Variants in PCDHA4 observed in about 807,000 individuals in gnomAD.
The protein encoded by PCDHA4 is protocadherin alpha-4.
Under a neutral mutation model 61.4 loss-of-function variants are expected in PCDHA4, and 49 were observed. The ratio of observed to expected loss-of-function variants is 0.80; its 90% CI spans 0.63 to 1.01. PCDHA4 has a LOEUF of 1.01. Ranked by LOEUF, PCDHA4 falls within the 50% of genes least tolerant of loss-of-function variation. The probability of loss-of-function intolerance (pLI) is 0.00; values close to 1 mark genes in which losing one functional copy is unlikely to be tolerated. For missense variants in PCDHA4, 1,254 were observed against 1,235.8 expected (o/e 1.01, Z -0.22); for synonymous variants, 590 against 550.3 (o/e 1.07, Z -1.01).
intron 1 of PCDHA4, chr5:140,929,180 G>C (rs782260576): frequency 2.7e-5 from 44 of 1,614,150 alleles, no homozygotes; most frequent in Non-Finnish European, 3.7e-5. Flanking sequence ...CTGGGACTTG[G>C]TTCTGATAAT....
chr5:140,917,324 C>CGGGGGGGGGGGG (rs1299895515), intron 1 of PCDHA4, among the ~76,000 whole-genome samples: 1 of 76,120 alleles, frequency 1.3e-5, no homozygotes, highest in African/African-American at 4.3e-5. Context: ...GTTCATGTGG[C>CGGGGGGGGGGGG]GGGGGAGGGG....
chr5:140,868,940 A>C, intron 1 of PCDHA4: 1 of 1,249,404 alleles, frequency 8.0e-7, no homozygotes, highest in South Asian at 1.6e-5. Context: ...GGTTGGTCTG[A>C]ACAGTGAGGC....
intron 1 of PCDHA4, chr5:140,853,312 G>A (rs931070085): frequency 1.0e-6 from 1 of 983,988 alleles, no homozygotes; most frequent in Non-Finnish European, 1.2e-6. Context: ...GAACACCTTA[G>A]TAATAAATTT....
intron 1 of PCDHA4, among the ~76,000 whole-genome samples, chr5:140,881,137 A>G (rs1554171789): frequency 6.6e-6 from 1 of 152,246 alleles, no homozygotes; most frequent in Non-Finnish European, 1.5e-5. Context: ...AGAGATAGTT[A>G]TAACAATAGA....
chr5:141,006,127 C>CA (rs2098257011), intron 3 of PCDHA4, among the ~76,000 whole-genome samples: 1 of 147,760 alleles, frequency 6.8e-6, no homozygotes, highest in Admixed American at 6.7e-5. Flanking sequence ...TTTCTCAAGG[C>CA]AGTAGAAAGC....
intron 1 of PCDHA4, chr5:140,856,437 C>T (rs2043996083): frequency 1.9e-6 from 3 of 1,598,304 alleles, no homozygotes; most frequent in Non-Finnish European, 1.7e-6. Flanking sequence ...GACAACCCGC[C>T]CAGGTTCTCC....
At chr5:140,897,188 A>AT (rs1353420094) in intron 1 of PCDHA4, among the ~76,000 whole-genome samples, 5 of 152,104 alleles carry the variant, frequency 3.3e-5, no homozygotes, top group African/African-American at 7.2e-5. Flanking sequence ...CAAAAAATAT[A>AT]TTTTTTTATT....
At chr5:140,974,799 A>G (rs116037205) in intron 1 of PCDHA4, among the ~76,000 whole-genome samples, 2 of 152,294 alleles carry the variant, frequency 1.3e-5, no homozygotes, top group African/African-American at 2.4e-5. Context: ...TCATTTTGAT[A>G]TACTAGAAGA....
chr5:140,841,780 G>A (rs2150322576), intron 1 of PCDHA4: 4 of 1,613,890 alleles, frequency 2.5e-6, no homozygotes, highest in East Asian at 2.2e-5. Flanking sequence ...CTCGGTTTCC[G>A]CTAGAGGGCG....
At chr5:140,858,550 C>G (rs1554151768) in intron 1 of PCDHA4, 1 of 1,392,416 alleles carries the variant, frequency 7.2e-7, no homozygotes, top group Non-Finnish European at 9.9e-7. Context: ...TCCATTTATG[C>G]TTGAATATTT....
At chr5:140,973,833 T>C (rs1332537198) in intron 1 of PCDHA4, among the ~76,000 whole-genome samples, 1 of 152,242 alleles carries the variant, frequency 6.6e-6, no homozygotes, top group Non-Finnish European at 1.5e-5. Context: ...TCTGGGTACT[T>C]GCTTGTTGCC....
chr5:140,829,250 T>C, intron 1 of PCDHA4: 1 of 1,614,278 alleles, frequency 6.2e-7, no homozygotes, highest in Non-Finnish European at 8.5e-7. Context: ...GCAGGTGAAC[T>C]GCTCGCTGAC....
intron 1 of PCDHA4, among the ~76,000 whole-genome samples, chr5:140,872,145 G>A (rs2053502547): frequency 6.6e-6 from 1 of 151,676 alleles, no homozygotes; most frequent in Non-Finnish European, 1.5e-5. Context: ...TACTCCATTA[G>A]TATGACATGA....
intron 3 of PCDHA4, among the ~76,000 whole-genome samples, chr5:140,998,365 A>G (rs1434602564): frequency 6.6e-6 from 1 of 152,142 alleles, no homozygotes; most frequent in African/African-American, 2.4e-5. Context: ...ACCACTGCAC[A>G]CACCGTCTCT....
Position 140,980,554 on chromosome 5 carries a change from C to T in PCDHA4, c.2444+1547C>T, listed in dbSNP as rs1283128844. Among the ~76,000 whole-genome samples, 9 of 152,008 alleles carry T rather than the reference C, an allele frequency of 5.9e-5. No individual in the cohort carries two copies. The South Asian group carries it at 1.5e-3, about 25-fold the overall frequency. On this transcript the variant is annotated intron_variant, in intron 2 of 3. Transcript: ENST00000530339. ...CTGAGGCAGGAGAATCGCTTGAACC[C>T]GGGAGGCGGAAGTTGCAGTGAGCCA...
At chr5:140,971,661 TAGAG>T (rs2096491377) in intron 1 of PCDHA4, among the ~76,000 whole-genome samples, 1 of 152,064 alleles carries the variant, frequency 6.6e-6, no homozygotes, top group Non-Finnish European at 1.5e-5. Context: ...AGATGGGAAT[TAGAG>T]AGGAAGAGTA....
At chr5:141,009,568 G>A in intron 3 of PCDHA4, 59 bp from the exon 4 acceptor site, 4 of 1,577,106 alleles carry the variant, frequency 2.5e-6, no homozygotes, top group Non-Finnish European at 3.4e-6. Context: ...TCTACCAGCA[G>A]TGTGGCATCA....
intron 1 of PCDHA4, among the ~76,000 whole-genome samples, chr5:140,944,925 A>T (rs1457519692): frequency 6.6e-6 from 1 of 152,158 alleles, no homozygotes; most frequent in African/African-American, 2.4e-5. Flanking sequence ...ATATTGGTTT[A>T]TGCCTTCTTT....
intron 1 of PCDHA4, among the ~76,000 whole-genome samples, chr5:140,840,207 TA>T (rs1477576699): frequency 3.9e-5 from 6 of 151,970 alleles, no homozygotes; most frequent in African/African-American, 1.2e-4. Flanking sequence ...AAAGAAGTCA[TA>T]AAAATACATA....
Sources: gnomAD v4.1 joint callset for allele counts (sites outside exome capture counted in the v4.1 genomes callset) on GRCh38, gnomAD v4.1.1 for gene constraint, MANE v1.5 for transcripts, NCBI Gene and HGNC (gene_info 2026-07-23, HGNC 2026-07-21) for gene names.